The following MAPK4 variants were observed in gnomAD, a reference collection of about 807,000 sequenced individuals.
MAPK4 encodes Erk3-related.
A neutral mutation model predicts 47.7 loss-of-function variants in MAPK4; 22 were observed. The ratio of observed to expected loss-of-function variants is 0.46; its 90% CI spans 0.33 to 0.66. The LOEUF is 0.66. MAPK4 is among the 30% of genes least tolerant of loss of function. MAPK4 has a pLI of 0.02. For missense variants in MAPK4, 736 were observed against 831.7 expected, an observed-to-expected ratio of 0.88 and a Z score of 1.42; for synonymous variants, 390 against 365.7, an observed-to-expected ratio of 1.07 and a Z score of -0.76.
At chr18:50,681,884 C>A (rs1908607023) in intron 2 of MAPK4, among the ~76,000 whole-genome samples, 1 of 152,104 alleles carries the variant, frequency 6.6e-6, no homozygotes, top group African/African-American at 2.4e-5. Context: ...TTTGACTATT[C>A]AGGCCTTAGA....
intron 2 of MAPK4, among the ~76,000 whole-genome samples, chr18:50,702,713 T>C (rs145525746): frequency 1.3e-5 from 2 of 152,356 alleles, no homozygotes; most frequent in East Asian, 3.9e-4. Flanking sequence ...CCCATCTTCC[T>C]GCCCTCATCT....
chr18:50,665,247 C>G (rs1295545544), intron 2 of MAPK4, among the ~76,000 whole-genome samples: 1 of 152,186 alleles, frequency 6.6e-6, no homozygotes, highest in Non-Finnish European at 1.5e-5. Context: ...CAGACCTCCT[C>G]TTACCTGATC....
chr18:50,616,244 A>G (rs1452633950), intron 1 of MAPK4, among the ~76,000 whole-genome samples: 1 of 152,160 alleles, frequency 6.6e-6, no homozygotes, highest in Non-Finnish European at 1.5e-5. Context: ...TGTGATACCT[A>G]GTGGAGGCAG....
At position 50,643,341 on chromosome 18, in the gene MAPK4, C is replaced by T. The variant is rs186585641; in HGVS notation, c.-870-19748C>T. Among the ~76,000 whole-genome samples, 516 of 152,306 alleles carry T rather than the reference C, an allele frequency of 3.4e-3. 8 individuals carry two copies. In the South Asian group the frequency reaches 0.04, roughly 12 times the overall value. On this transcript the variant is annotated intron_variant, in intron 1 of 5. Transcript: ENST00000400384. ...CAGCCTGGCCAACATGGTGAAACCCCGTCTCTACTAAAAATGCAAACATTA... is the reference window on the plus strand; with the variant it reads ...CAGCCTGGCCAACATGGTGAAACCCTGTCTCTACTAAAAATGCAAACATTA...
chr18:50,573,413 C>T (rs2042266860), intron 1 of MAPK4, among the ~76,000 whole-genome samples: 1 of 152,186 alleles, frequency 6.6e-6, no homozygotes, highest in African/African-American at 2.4e-5. Context: ...CCTGAGTCTG[C>T]CTCCTGTCAG....
At chr18:50,689,232 C>T (rs963183797) in intron 2 of MAPK4, among the ~76,000 whole-genome samples, 5 of 148,612 alleles carry the variant, frequency 3.4e-5, no homozygotes, top group Non-Finnish European at 5.9e-5. Flanking sequence ...CCCGTCTCTA[C>T]TAAAAATATA....
Position 50,731,151 on chromosome 18 carries a change from A to G in MAPK4, c.*1297A>G. The G allele has an allele frequency of 6.6e-6, 1 of 152,568 alleles. No homozygotes were observed. The highest frequency in any genetic ancestry group is 1.5e-5 in the Non-Finnish European group (1 of 68,138). The allele number at this position is 152,568 out of a possible 1,614,324, so 9.5% of individuals were successfully genotyped here. On this transcript the variant is annotated 3_prime_UTR_variant, in exon 6 of 6. Transcript: ENST00000400384. The stretch of plus-strand genomic sequence containing the variant: ...CACCAGCATGGAGACCTCATGACAA[A>G]GGAAGGGACTCAAAGCAGCAATGCC...
Position 50,730,588 on chromosome 18 carries a change from C to T in MAPK4, c.*734C>T, listed in dbSNP as rs1911507904. On this transcript the variant is annotated 3_prime_UTR_variant, in exon 6 of 6. Transcript: ENST00000400384. ...TGTATTTGCCTCACCCCTGCATGGT[C>T]GGAAATCTTCGTTTCAGGTCAGAAC... is the stretch of plus-strand genomic sequence containing the variant. 6.6e-6 allele frequency: 1 copy of T among 152,666 alleles called. No individual in the cohort carries two copies. Among genetic ancestry groups the T allele is most frequent in the Non-Finnish European group, 1.5e-5 (1 of 68,084 alleles). 9.5% of individuals were successfully genotyped at this position (152,666 alleles called of 1,614,324 possible). A position where few individuals can be genotyped will look rare whatever the true frequency, so the allele number is the denominator to read the frequency against.
intron 1 of MAPK4, among the ~76,000 whole-genome samples, chr18:50,567,404 A>G (rs1303685765): frequency 6.6e-6 from 1 of 151,996 alleles, no homozygotes; most frequent in Non-Finnish European, 1.5e-5. Context: ...TTTGCTCCTA[A>G]TTTCTCCCTG....
intron 2 of MAPK4, among the ~76,000 whole-genome samples, chr18:50,695,338 T>TAAAAA (rs59857315): frequency 1.2e-5 from 1 of 84,696 alleles, no homozygotes; most frequent in Non-Finnish European, 2.2e-5. Flanking sequence ...GGCTCCATCT[T>TAAAAA]AAAAAAAAAA....
Position 50,730,042 on chromosome 18 carries a change from G to A in MAPK4, c.*188G>A, listed in dbSNP as rs1598969595. On this transcript the variant is annotated 3_prime_UTR_variant, in exon 6 of 6. Coordinates refer to ENST00000400384, the MANE Select transcript of MAPK4 (RefSeq NM_002747.4). The stretch of plus-strand genomic sequence containing the variant: ...TTAATAACTAGCCTTTAACCTGTGG[G>A]AGCGGGTTTGAACAGGACCCTGGCT... 8.7e-6 allele frequency: 5 copies of A among 577,602 alleles called. No homozygotes were observed. The Middle Eastern group carries it at 2.4e-3, about 280-fold the overall frequency. 35.8% of individuals were successfully genotyped at this position (577,602 alleles called of 1,614,324 possible). A position where few individuals can be genotyped will look rare whatever the true frequency, so the allele number is the denominator to read the frequency against.
At chr18:50,657,557 T>C (rs1162710331) in intron 1 of MAPK4, among the ~76,000 whole-genome samples, 4 of 152,140 alleles carry the variant, frequency 2.6e-5, no homozygotes, top group African/African-American at 9.7e-5. Context: ...AGCTTGACCT[T>C]GAGTCCGAGG....
At chr18:50,614,417 A>G (rs920507035) in intron 1 of MAPK4, among the ~76,000 whole-genome samples, 4 of 152,136 alleles carry the variant, frequency 2.6e-5, no homozygotes, top group African/African-American at 7.2e-5. Flanking sequence ...TTAAGATCAA[A>G]ACACATGAAT....
At chr18:50,574,580 G>T (rs916916767) in intron 1 of MAPK4, among the ~76,000 whole-genome samples, 2 of 152,168 alleles carry the variant, frequency 1.3e-5, no homozygotes, top group Admixed American at 1.3e-4. Context: ...TTATTACAGA[G>T]ATTGACCATC....
intron 2 of MAPK4, among the ~76,000 whole-genome samples, chr18:50,706,570 T>C (rs145020446): frequency 1.3e-5 from 2 of 152,238 alleles, no homozygotes; most frequent in African/African-American, 4.8e-5. Context: ...CAGATGTCTA[T>C]TTGTGGCTTG....
intron 2 of MAPK4, among the ~76,000 whole-genome samples, chr18:50,672,381 T>A (rs1288146839): frequency 6.6e-6 from 1 of 152,232 alleles, no homozygotes; most frequent in Non-Finnish European, 1.5e-5. Flanking sequence ...TTTAAAAGGC[T>A]ATGAAATATC....
chr18:50,580,330 C>T (rs1231928903), intron 1 of MAPK4, among the ~76,000 whole-genome samples: 3 of 152,180 alleles, frequency 2.0e-5, no homozygotes, highest in Admixed American at 6.5e-5. Context: ...TGGGAATGGG[C>T]TGCAGGATTG....
chr18:50,677,300 G>C (rs895937494), intron 2 of MAPK4, among the ~76,000 whole-genome samples: 1 of 152,184 alleles, frequency 6.6e-6, no homozygotes, highest in Non-Finnish European at 1.5e-5. Flanking sequence ...GTTCGACAAG[G>C]CATAGCCTTC....
rs545987840 is a variant in MAPK4, at chr18:50,589,712, G to A, written c.-871+29469G>A. The stretch of plus-strand genomic sequence containing the variant: ...TGGTCAAAGAGGCACTTCACCAATT[G>A]GCTGTGGCTAGAAATGGTTCTCTTT... On this transcript the variant is annotated intron_variant, in intron 1 of 5. Coordinates refer to ENST00000400384, the MANE Select transcript of MAPK4 (RefSeq NM_002747.4). Among the ~76,000 whole-genome samples the A allele has an allele frequency of 2.6e-5, 4 of 152,210 alleles. No homozygotes were observed. The South Asian group carries it at 8.3e-4, about 32-fold the overall frequency.
Sources: allele counts gnomAD v4.1 joint callset (sites outside exome capture counted in the v4.1 genomes callset), GRCh38; gene constraint gnomAD v4.1.1; transcripts MANE v1.5; gene names NCBI Gene and HGNC (gene_info 2026-07-23, HGNC 2026-07-21).